DPYD: variants seen among roughly 807,000 people sequenced by gnomAD.
DPYD encodes dihydropyrimidine dehydrogenase.
In DPYD, 109 loss-of-function variants were observed where a neutral mutation model predicts 116.2. That is an observed-to-expected ratio of 0.94 (90% CI 0.80 to 1.10). DPYD has a LOEUF of 1.10. Among genes scored for constraint, DPYD ranks in the 50% least tolerant of loss-of-function variants. DPYD has a pLI of 0.00. For missense variants in DPYD, 1,302 were observed against 1,254.5 expected, an observed-to-expected ratio of 1.04 and a Z score of -0.57; for synonymous variants, 440 against 432.0, an observed-to-expected ratio of 1.02 and a Z score of -0.23.
intron 13 of DPYD, among the ~76,000 whole-genome samples, chr1:97,512,499 C>T (rs1647877994): frequency 6.6e-6 from 1 of 151,810 alleles, no homozygotes; most frequent in African/African-American, 2.4e-5. Context: ...AGTAATAAAG[C>T]TATGCAACTT....
At chr1:97,405,864 G>T (rs924100355) in intron 14 of DPYD, among the ~76,000 whole-genome samples, 2 of 151,924 alleles carry the variant, frequency 1.3e-5, no homozygotes, top group Admixed American at 6.6e-5. Flanking sequence ...TGCTCTTTAG[G>T]TCTTGTTAAG....
chr1:97,466,603 T>G (rs984501440), intron 13 of DPYD, among the ~76,000 whole-genome samples: 4 of 152,086 alleles, frequency 2.6e-5, no homozygotes, highest in African/African-American at 7.2e-5. Flanking sequence ...GCAATAAAAT[T>G]TAACATTCTG....
intron 13 of DPYD, among the ~76,000 whole-genome samples, chr1:97,463,389 C>T (rs919134862): frequency 6.6e-6 from 1 of 152,130 alleles, no homozygotes; most frequent in South Asian, 2.1e-4. Context: ...GATTGTGAGG[C>T]CTCTCTAGCC....
intron 3 of DPYD, among the ~76,000 whole-genome samples, chr1:97,760,204 A>G: frequency 6.6e-6 from 1 of 152,152 alleles, no homozygotes; most frequent in Non-Finnish European, 1.5e-5. Context: ...TCTAGTCTGT[A>G]TTGGAACTCA....
At chr1:97,775,250 C>G (rs942029819) in intron 3 of DPYD, among the ~76,000 whole-genome samples, 1 of 152,080 alleles carries the variant, frequency 6.6e-6, no homozygotes, top group Admixed American at 6.6e-5. Context: ...TACCAACATA[C>G]ATTAACTATC....
intron 14 of DPYD, among the ~76,000 whole-genome samples, chr1:97,427,531 C>T (rs977764194): frequency 6.6e-6 from 1 of 151,930 alleles, no homozygotes; most frequent in Non-Finnish European, 1.5e-5. Context: ...AAACTCTTAC[C>T]CTAATCTTCA....
At chr1:97,544,022 C>A (rs1420657012) in intron 12 of DPYD, among the ~76,000 whole-genome samples, 1 of 152,164 alleles carries the variant, frequency 6.6e-6, no homozygotes, top group Non-Finnish European at 1.5e-5. Flanking sequence ...ACATTCAAAT[C>A]AGCATCTCAA....
chr1:97,382,812 GAT>G (rs1009926190), intron 14 of DPYD, among the ~76,000 whole-genome samples: 1 of 152,050 alleles, frequency 6.6e-6, no homozygotes, highest in Non-Finnish European at 1.5e-5. Flanking sequence ...TACGTGAAGG[GAT>G]TGTCTAATTA....
intron 8 of DPYD, among the ~76,000 whole-genome samples, chr1:97,598,611 G>C (rs1422322427): frequency 2.0e-5 from 3 of 151,464 alleles, no homozygotes; most frequent in African/African-American, 7.3e-5. Context: ...AAGGGAGGGA[G>C]GGAGGGAAGG....
At chr1:97,725,150 G>A (rs549906770) in intron 4 of DPYD, among the ~76,000 whole-genome samples, 1 of 151,718 alleles carries the variant, frequency 6.6e-6, no homozygotes, top group Admixed American at 6.6e-5. Context: ...ATTTCAATAT[G>A]TTAGTAATGA....
At chr1:97,601,357 C>G (rs1655236603) in intron 8 of DPYD, among the ~76,000 whole-genome samples, 2 of 151,884 alleles carry the variant, frequency 1.3e-5, no homozygotes, top group Admixed American at 6.6e-5. Context: ...TAAAGAGATT[C>G]ATAATAAACA....
At chr1:97,208,105 T>A (rs1213111349) in intron 19 of DPYD, among the ~76,000 whole-genome samples, 1 of 152,120 alleles carries the variant, frequency 6.6e-6, no homozygotes, top group East Asian at 1.9e-4. Context: ...TAATAGATTA[T>A]TCTGAATTTT....
intron 13 of DPYD, among the ~76,000 whole-genome samples, chr1:97,507,528 TAA>T (rs1387781009): frequency 6.6e-6 from 1 of 151,972 alleles, no homozygotes; most frequent in African/African-American, 2.4e-5. Context: ...TTAATCTTTT[TAA>T]AAAATCCAGA....
intron 3 of DPYD, among the ~76,000 whole-genome samples, chr1:97,809,049 T>C (rs1202954360): frequency 6.6e-6 from 1 of 152,108 alleles, no homozygotes; most frequent in East Asian, 1.9e-4. Context: ...ATGGAGGCAG[T>C]AGAGGGGATC....
chr1:97,535,305 A>G (rs2786519), intron 12 of DPYD, among the ~76,000 whole-genome samples: 45,314 of 151,968 alleles, frequency 0.3, 7,810 homozygotes, highest in African/African-American at 0.46. Flanking sequence ...CAAACTAAAG[A>G]TTTTGGGTGT....
intron 13 of DPYD, among the ~76,000 whole-genome samples, chr1:97,485,316 C>T (rs538355269): frequency 5.4e-4 from 82 of 152,282 alleles, no homozygotes; most frequent in African/African-American, 2.0e-3. Flanking sequence ...ATTTTCATGC[C>T]TCAGCCTCCA....
chr1:97,841,156 G>T (rs1670016705), intron 2 of DPYD, among the ~76,000 whole-genome samples: 1 of 152,028 alleles, frequency 6.6e-6, no homozygotes, highest in African/African-American at 2.4e-5. Flanking sequence ...CCAAAATGCT[G>T]CAATGAAAAT....
intron 12 of DPYD, among the ~76,000 whole-genome samples, chr1:97,525,758 T>TAGAGAGAGAGAGAGAGAGAGAGAG (rs58098297): frequency 2.8e-4 from 30 of 108,740 alleles, no homozygotes; most frequent in East Asian, 1.5e-3. Flanking sequence ...CCTGGGTAAT[T>TAGAGAGAGAGAGAGAGAGAGAGAG]AGAGAGAGAG....
intron 18 of DPYD, among the ~76,000 whole-genome samples, chr1:97,292,371 G>A (rs922080850): frequency 6.6e-6 from 1 of 152,154 alleles, no homozygotes; most frequent in Admixed American, 6.5e-5. Flanking sequence ...AAGCAAACAT[G>A]TCCTTCTTCA....
Sources: allele counts gnomAD v4.1 joint callset (sites outside exome capture counted in the v4.1 genomes callset), GRCh38; gene constraint gnomAD v4.1.1; transcripts MANE v1.5; gene names NCBI Gene and HGNC (gene_info 2026-07-23, HGNC 2026-07-21).